SLC12A9: variants seen among roughly 807,000 people sequenced by gnomAD.
SLC12A9 encodes the protein solute carrier family 12 member 9.
A neutral mutation model predicts 66.0 loss-of-function variants in SLC12A9; 55 were observed. The observed-to-expected ratio is 0.83, with a 90% CI of 0.67 to 1.04. SLC12A9 has a LOEUF of 1.04. SLC12A9 is among the 50% of genes least tolerant of loss of function. The pLI is 0.00. For synonymous variants in SLC12A9, 577 were observed against 569.0 expected, an observed-to-expected ratio of 1.01 and a Z score of -0.20; for missense variants, 1,061 against 1,241.9, an observed-to-expected ratio of 0.85 and a Z score of 2.19.
intron 12 of SLC12A9, among the ~76,000 whole-genome samples, chr7:100,862,304 G>A (rs1422650930): frequency 6.6e-6 from 1 of 152,066 alleles, no homozygotes; most frequent in Non-Finnish European, 1.5e-5. Flanking sequence ...TGTCACCCAG[G>A]CTGGAGAGCA....
At chr7:100,848,746 C>T (rs1813982471), upstream of SLC12A9, among the ~76,000 whole-genome samples, 1 of 151,362 alleles carries the variant, frequency 6.6e-6, no homozygotes, top group South Asian at 2.1e-4. Flanking sequence ...ATTAGCCGTG[C>T]GTGGTGGCGG....
intron 1 of SLC12A9, among the ~76,000 whole-genome samples, chr7:100,836,485 G>A (rs1427159745): frequency 3.9e-5 from 6 of 152,040 alleles, no homozygotes; most frequent in Admixed American, 1.3e-4. Context: ...CCCACCCCCC[G>A]CTCCATTCCC....
chr7:100,859,233 G>T, intron 7 of SLC12A9, 72 bp downstream of exon 7: 2 of 1,431,844 alleles, frequency 1.4e-6, no homozygotes, highest in Admixed American at 1.7e-5. Context: ...GGAAACACAG[G>T]CTGGGGGACT....
chr7:100,832,254 C>T (rs1033405160), intron 1 of SLC12A9, among the ~76,000 whole-genome samples: 1 of 151,656 alleles, frequency 6.6e-6, no homozygotes, highest in South Asian at 2.1e-4. Flanking sequence ...CCTGTAATTC[C>T]AGCACTTTGG....
chr7:100,828,801 C>T (rs1813483098), intron 1 of SLC12A9, among the ~76,000 whole-genome samples: 1 of 152,090 alleles, frequency 6.6e-6, no homozygotes, highest in African/African-American at 2.4e-5. Context: ...ACTCCCCTCA[C>T]CCTCCCATCA....
At position 100,866,355 on chromosome 7, in the gene SLC12A9, C is replaced by G; in HGVS notation, c.2495C>G (p.Ala832Gly). 1 of 1,511,752 alleles carries G rather than the reference C, an allele frequency of 6.6e-7. No individual in the cohort carries two copies. Among genetic ancestry groups the G allele is most frequent in the Non-Finnish European group, 8.9e-7 (1 of 1,126,596 alleles). 93.6% of individuals were successfully genotyped at this position (1,511,752 alleles called of 1,614,324 possible). ...NSGRGDAEAE[A>G]LARSANALVR... ...GGGCGGGGAGACGCAGAGGCAGAGG[C>G]CCTGGCACGCAGCGCCAACGCCCTG... The change falls in exon 14 of 14, where the codon GCC becomes GGC. Residue 832 changes from alanine to glycine, a missense_variant. Ala to Gly is a moderately conservative substitution (Grantham distance 60). Coordinates refer to ENST00000354161, the MANE Select transcript of SLC12A9 (RefSeq NM_020246.4). The surrounding 1 kb of genome is among the most constrained non-coding windows in gnomAD (Gnocchi z 7.3).
Position 100,838,054 on chromosome 7 carries a change from G to A in SLC12A9, n.228+11007G>A, listed in dbSNP as rs557501854. Reference sequence around the variant, plus strand: ...TTTTTTGTATTTTTAGTAGAGACAGGGTTTCACCATGTTAGCCAGGATGGT... The same window carrying A: ...TTTTTTGTATTTTTAGTAGAGACAGAGTTTCACCATGTTAGCCAGGATGGT... On this transcript the variant is annotated intron_variant and non_coding_transcript_variant, in intron 1 of 1. Coordinates refer to the SLC12A9 transcript ENST00000461016. 2.6e-5 allele frequency among the ~76,000 whole-genome samples: 4 copies of A among 151,804 alleles called. No homozygotes were observed. In the East Asian group the frequency reaches 7.8e-4, roughly 29 times the overall value.
exon 1 of SLC12A9, chr7:100,826,921 T>C: frequency 1.3e-6 from 2 of 1,495,248 alleles, no homozygotes; most frequent in Non-Finnish European, 9.0e-7. Flanking sequence ...GAGGCCCAGA[T>C]GTTGGGGGGG....
exon 1 of SLC12A9, chr7:100,826,962 C>A (rs549419150): frequency 2.9e-5 from 45 of 1,527,228 alleles, no homozygotes; most frequent in South Asian, 1.9e-4. Flanking sequence ...TGCGCCCCCC[C>A]CCGCAAGGAA....
At chr7:100,837,415 A>C (rs1813682937) in intron 1 of SLC12A9, 2 of 152,360 alleles carry the variant, frequency 1.3e-5, no homozygotes, top group South Asian at 2.1e-4. Flanking sequence ...CCGCAGAAAA[A>C]GCGGCGGTGT....
Position 100,862,782 on chromosome 7 carries a change from T to G in SLC12A9, c.1813T>G (p.Ser605Ala). 1 of 1,614,158 alleles carries G rather than the reference T, an allele frequency of 6.2e-7. No individual in the cohort carries two copies. ...KAFVDLTLSP[S>A]VRQGAQHLLR... ...TTTTGTGGATCTAACCCTCTCACCC[T>G]CCGTGCGCCAGGGGGCTCAGCATCT... The change falls in exon 13 of 14, where the codon TCC becomes GCC. Residue 605 changes from serine (S) to alanine (A), a missense_variant. By Grantham distance (99) the Ser-to-Ala change is moderately conservative (BLOSUM62 1). Coordinates refer to ENST00000354161, the MANE Select transcript of SLC12A9 (RefSeq NM_020246.4).
chr7:100,862,733 G>A lies in SLC12A9; in HGVS notation c.1764G>A (p.Leu588=). 1 of 1,614,212 alleles carries A rather than the reference G, an allele frequency of 6.2e-7. No homozygotes were observed. ...VQPQYGAWLS[L]VDRAQVKAFV... is the part of the protein sequence containing the mutation. ...CGCAGTATGGGGCATGGCTCAGCCT[G>A]GTGGACCGTGCCCAGGTGAAGGCTT... Residue 588 remains leucine (L), a synonymous_variant, in exon 13 of 14, where the codon CTG becomes CTA. Coordinates refer to ENST00000354161, the MANE Select transcript of SLC12A9 (RefSeq NM_020246.4).
Position 100,861,424 on chromosome 7 carries a change from G to C in SLC12A9, c.1376G>C (p.Cys459Ser). Residue 459 changes from cysteine to serine, a missense_variant, in exon 11 of 14, where the codon TGC becomes TCC. Transcript: ENST00000354161. The surrounding 1 kb of genome is among the most constrained non-coding windows in gnomAD (Gnocchi z 5.3). The part of the protein sequence containing the change: ...PTFSLFSWHT[C>S]LLGVASCLLM... ...TTCAGCCTGTTCTCCTGGCACACCT[G>C]CCTGCTGGGGGTGGCCTCCTGCCTG... 6.2e-7 allele frequency: 1 copy of C among 1,613,696 alleles called. No individual in the cohort carries two copies. The highest frequency in any genetic ancestry group is 8.5e-7 in the Non-Finnish European group (1 of 1,179,976).
upstream of SLC12A9, among the ~76,000 whole-genome samples, chr7:100,850,797 A>T (rs1277308616): frequency 6.8e-6 from 1 of 147,862 alleles, no homozygotes; most frequent in Non-Finnish European, 1.5e-5. Flanking sequence ...TCAGCTCACC[A>T]CAACCTCCGC....
intron 1 of SLC12A9, among the ~76,000 whole-genome samples, chr7:100,842,190 G>A (rs549622760): frequency 6.5e-4 from 98 of 151,428 alleles, no homozygotes; most frequent in African/African-American, 2.2e-3. Flanking sequence ...GTAGGCCATA[G>A]TCCCAAAGGA....
Position 100,854,739 on chromosome 7 carries a change from G to A in SLC12A9, c.301G>A (p.Gly101Arg), listed in dbSNP as rs766572386. ...CAIATNGAVQ[G>R]GGAYFMISRT... ...CATCGCCACCAATGGAGCCGTGCAG[G>A]GGGGCGGAGCCTACTGTATCCTCCA... Residue 101 changes from glycine (G) to arginine (R), a missense_variant, in exon 3 of 14, where the codon GGG becomes AGG. Transcript: ENST00000354161. 5 of 1,614,044 alleles carry A rather than the reference G, an allele frequency of 3.1e-6. No individual in the cohort carries two copies. Among genetic ancestry groups the A allele is most frequent in the Admixed American group, 1.7e-5 (1 of 60,006 alleles).
chr7:100,860,449 T>G, intron 9 of SLC12A9: 1 of 571,008 alleles, frequency 1.8e-6, no homozygotes, highest in Non-Finnish European at 3.1e-6. Flanking sequence ...CCCTGGGAGG[T>G]TCACTGGCAC....
At chr7:100,837,394 C>T (rs1336150500) in intron 1 of SLC12A9, 1 of 152,242 alleles carries the variant, frequency 6.6e-6, no homozygotes, top group Non-Finnish European at 1.5e-5. Flanking sequence ...TCGCGCCTTC[C>T]CAGGACGCAA....
intron 1 of SLC12A9, among the ~76,000 whole-genome samples, chr7:100,841,521 C>A (rs940671085): frequency 1.3e-5 from 2 of 152,108 alleles, no homozygotes; most frequent in Non-Finnish European, 2.9e-5. Context: ...GAAGTATCAT[C>A]CAGTTTTTCT....
Sources: gnomAD v4.1 joint callset for allele counts (sites outside exome capture counted in the v4.1 genomes callset) on GRCh38, gnomAD v4.1.1 for gene constraint, Gnocchi (gnomAD v3.1) non-coding constraint, MANE v1.5 for transcripts, NCBI Gene and HGNC (gene_info 2026-07-23, HGNC 2026-07-21) for gene names.